Variants in TMEM132E observed in about 807,000 individuals in gnomAD.
The protein encoded by TMEM132E is transmembrane protein 132E.
A neutral mutation model predicts 78.5 loss-of-function variants in TMEM132E; 49 were observed. The ratio of observed to expected loss-of-function variants is 0.62; its 90% CI spans 0.50 to 0.79. The LOEUF is 0.79. Among genes scored for constraint, TMEM132E ranks in the 30% least tolerant of loss-of-function variants. The pLI is 0.00. For missense variants in TMEM132E, 1,403 were observed against 1,470.9 expected (o/e 0.95, Z 0.75); for synonymous variants, 715 against 670.6 (o/e 1.07, Z -1.02).
At chr17:34,581,202 C>G (rs1226609475) in intron 1 of TMEM132E, 59 bp downstream of exon 1, 1 of 1,423,268 alleles carries the variant, frequency 7.0e-7, no homozygotes, top group Non-Finnish European at 9.3e-7. Context: ...GGAGGGGGTA[C>G]GGGGAAGACT....
At chr17:34,608,400 C>A (rs542197233) in intron 1 of TMEM132E, among the ~76,000 whole-genome samples, 1 of 152,170 alleles carries the variant, frequency 6.6e-6, no homozygotes, top group African/African-American at 2.4e-5. Context: ...GCTGCAGTGT[C>A]CTGTATACAG....
In TMEM132E at chr17:34,583,245, A is replaced by G. The variant is rs78272259; in HGVS notation, c.67+2102A>G. Reference sequence around the variant, plus strand: ...CTGAGCAGAAAGAAGGTATTTGAGGAGGTAGGGTCTGAATCGCCCTACTGA... The same window carrying G: ...CTGAGCAGAAAGAAGGTATTTGAGGGGGTAGGGTCTGAATCGCCCTACTGA... On this transcript the variant is annotated intron_variant, in intron 1 of 8. Coordinates refer to ENST00000631683, the MANE Select transcript of TMEM132E (RefSeq NM_001304438.2). Among the ~76,000 whole-genome samples, 503 of 152,336 alleles carry G rather than the reference A, an allele frequency of 3.3e-3. 13 individuals are homozygous for G. In the East Asian group the frequency reaches 0.068, roughly 21 times the overall value.
At position 34,609,545 on chromosome 17, in the gene TMEM132E, G is replaced by A. The variant is rs997842207; in HGVS notation, c.68-16582G>A. Among the ~76,000 whole-genome samples, 6 of 152,076 alleles carry A rather than the reference G, an allele frequency of 3.9e-5. No homozygotes were observed. The East Asian group carries it at 7.8e-4, about 20-fold the overall frequency. On this transcript the variant is annotated intron_variant, in intron 1 of 8. Coordinates refer to ENST00000631683, the MANE Select transcript of TMEM132E (RefSeq NM_001304438.2). ...GCCCTATGCACCAGCCCCATGGAAC[G>A]GCAGCTCTGTCTGCCTCCCCTGCCT...
At position 34,613,211 on chromosome 17, in the gene TMEM132E, A is replaced by ACACACATGCGCG; in HGVS notation, c.68-12915_68-12914insACACATGCGCGC. ...CACACACACACCCACACACACACAC[A>ACACACATGCGCG]CGCGCGCGCGCGCGCGTTCTTACAT... On this transcript the variant is annotated intron_variant, in intron 1 of 8. Coordinates refer to ENST00000631683, the MANE Select transcript of TMEM132E (RefSeq NM_001304438.2). Among the ~76,000 whole-genome samples, 18 of 115,976 alleles carry ACACACATGCGCG rather than the reference A, an allele frequency of 1.6e-4. 1 individual carries two copies. The South Asian group carries it at 5.5e-3, about 35-fold the overall frequency. The allele number at this position is 115,976 out of a possible 152,430, so 76.1% of individuals were successfully genotyped here. A position where few individuals can be genotyped will look rare whatever the true frequency, so the allele number is the denominator to read the frequency against.
Position 34,626,272 on chromosome 17 carries a change from C to T in TMEM132E, c.213C>T (p.Ser71=), listed in dbSNP as rs756083769. The change falls in exon 2 of 9, where the codon AGC becomes AGT. Residue 71 remains serine (S), a synonymous_variant. Transcript: ENST00000631683. ...ARPPSPAVAN[S]SLQRSEPFVV... is the part of the protein sequence containing the mutation. Reference sequence around the variant, plus strand: ...CCCCGTCACCCGCGGTCGCCAACAGCTCTCTGCAGCGCTCCGAGCCCTTCG... The same window carrying T: ...CCCCGTCACCCGCGGTCGCCAACAGTTCTCTGCAGCGCTCCGAGCCCTTCG... 33 of 1,607,280 alleles carry T rather than the reference C, an allele frequency of 2.1e-5. No individual in the cohort carries two copies. The highest frequency in any genetic ancestry group is 5.3e-5 in the African/African-American group (4 of 74,874).
At chr17:34,628,125 G>A (rs953925330) in intron 2 of TMEM132E, among the ~76,000 whole-genome samples, 5 of 152,208 alleles carry the variant, frequency 3.3e-5, no homozygotes, top group Non-Finnish European at 4.4e-5. Flanking sequence ...TACTCACCTC[G>A]CCAGCTTTTT....
At chr17:34,632,320 A>G (rs548174658) in intron 5 of TMEM132E, among the ~76,000 whole-genome samples, 1 of 152,070 alleles carries the variant, frequency 6.6e-6, no homozygotes, top group African/African-American at 2.4e-5. Flanking sequence ...AGAGGACTCT[A>G]CCTGCCAGAC....
At chr17:34,624,832 T>TTA (rs1196935471) in intron 1 of TMEM132E, among the ~76,000 whole-genome samples, 1 of 152,210 alleles carries the variant, frequency 6.6e-6, no homozygotes, top group Non-Finnish European at 1.5e-5. Flanking sequence ...GTTGCACAAT[T>TTA]TATAGAGTGC....
intron 1 of TMEM132E, among the ~76,000 whole-genome samples, chr17:34,605,340 T>G (rs1444601537): frequency 6.6e-6 from 1 of 152,200 alleles, no homozygotes. Context: ...TCAGGTGTAC[T>G]CAGCACCTCC....
chr17:34,629,885 C>A (rs1402873977), intron 4 of TMEM132E, 123 bp from the exon 5 acceptor site: 1 of 1,143,630 alleles, frequency 8.7e-7, no homozygotes, highest in Non-Finnish European at 1.2e-6. Flanking sequence ...GTGCAAGTGT[C>A]CCCACTGGAA....
intron 1 of TMEM132E, among the ~76,000 whole-genome samples, chr17:34,623,880 C>T (rs946676534): frequency 4.6e-5 from 7 of 152,290 alleles, no homozygotes; most frequent in African/African-American, 1.7e-4. Flanking sequence ...TAGGCACCAG[C>T]CAGAAAAGCT....
chr17:34,622,223 C>T (rs1230714291), intron 1 of TMEM132E, among the ~76,000 whole-genome samples: 4 of 152,370 alleles, frequency 2.6e-5, no homozygotes, highest in Non-Finnish European at 5.9e-5. Context: ...CACCAGAACG[C>T]TTCCAGGGCC....
rs1905438644 is a variant in TMEM132E at position 34,580,758 on chromosome 17, C to T, written c.-319C>T. The T allele has an allele frequency of 3.2e-6, 1 of 308,138 alleles. No individual in the cohort carries two copies. Among genetic ancestry groups the T allele is most frequent in the Non-Finnish European group, 6.0e-6 (1 of 167,124 alleles). The allele number at this position is 308,138 out of a possible 1,614,324, so 19.1% of individuals were successfully genotyped here. A position where few individuals can be genotyped will look rare whatever the true frequency, so the allele number is the denominator to read the frequency against. On this transcript the variant is annotated 5_prime_UTR_variant, in exon 1 of 9. It adds an upstream start codon to the 5' untranslated region. Transcript: ENST00000631683. ...ACTGGGCTCTAGGTAGCCCCCGGGA[C>T]GCCCGCGGCCACCGGGCTCCGGACT...
chr17:34,637,372 A>G lies in TMEM132E; in HGVS notation c.2365A>G (p.Ile789Val), dbSNP rs368250167. ...GGAGCTGCTTCGCGCAGAGCTAACC[A>G]TCGCTGAGAGCTGCCAGAAAACCAA... Reference protein sequence around the residue: ...SGELLRAELTIAESCQKTKRK... With the variant: ...SGELLRAELTVAESCQKTKRK... Residue 789 changes from isoleucine to valine, a missense_variant, in exon 9 of 9, where the codon ATC (isoleucine) becomes GTC (valine). By Grantham distance (29) the Ile-to-Val change is conservative. Transcript: ENST00000631683. 3.1e-6 allele frequency: 5 copies of G among 1,613,834 alleles called. No homozygotes were observed. The African/African-American group carries it at 4.0e-5, about 13-fold the overall frequency.
chr17:34,624,491 T>A (rs1194109347), intron 1 of TMEM132E, among the ~76,000 whole-genome samples: 1 of 152,098 alleles, frequency 6.6e-6, no homozygotes. Context: ...TGAGGGCACA[T>A]CTTGGAGGGC....
chr17:34,601,448 A>G (rs1023578832), intron 1 of TMEM132E, among the ~76,000 whole-genome samples: 5 of 152,006 alleles, frequency 3.3e-5, no homozygotes, highest in Non-Finnish European at 7.4e-5. Context: ...TCTGCAGGGA[A>G]CTCCGGCCTC....
At chr17:34,586,864 TA>T (rs1813327154) in intron 1 of TMEM132E, among the ~76,000 whole-genome samples, 2 of 152,160 alleles carry the variant, frequency 1.3e-5, no homozygotes, top group Non-Finnish European at 2.9e-5. Context: ...TTGCCTAAAT[TA>T]TCTAGGACAT....
intron 1 of TMEM132E, among the ~76,000 whole-genome samples, chr17:34,619,153 C>A (rs1218570530): frequency 6.6e-6 from 1 of 152,234 alleles, no homozygotes; most frequent in African/African-American, 2.4e-5. Context: ...GGATTCTCAC[C>A]ACTGGCACTA....
In TMEM132E at chr17:34,637,516, G is replaced by A. The variant is rs1339064902; in HGVS notation, c.2509G>A (p.Asp837Asn). 6.2e-7 allele frequency: 1 copy of A among 1,603,784 alleles called. No individual in the cohort carries two copies. Among genetic ancestry groups the A allele is most frequent in the East Asian group, 2.2e-5 (1 of 44,696 alleles). ...PSQPGPGGGEDEARGAGPPGS... is the reference protein window; with the variant it reads ...PSQPGPGGGENEARGAGPPGS... ...CCAACCAGGGCCCGGCGGGGGCGAG[G>A]ACGAGGCCCGGGGAGCTGGCCCGCC... The change falls in exon 9 of 9, where the codon GAC (aspartate) becomes AAC (asparagine). Residue 837 changes from aspartate (D) to asparagine (N), a missense_variant. Asp to Asn is a conservative substitution (Grantham distance 23, BLOSUM62 1). Transcript: ENST00000631683.
Sources: gnomAD v4.1 joint callset for allele counts (sites outside exome capture counted in the v4.1 genomes callset) on GRCh38, gnomAD v4.1.1 for gene constraint, MANE v1.5 for transcripts, NCBI Gene and HGNC (gene_info 2026-07-23, HGNC 2026-07-21) for gene names.